Variants in HDAC4 observed in about 807,000 individuals in gnomAD.
HDAC4 encodes the protein histone deacetylase 4, also known as histone deacetylase A.
A neutral mutation model predicts 135.1 loss-of-function variants in HDAC4; 16 were observed. The observed-to-expected ratio is 0.12, with a 90% CI of 0.08 to 0.18. The LOEUF is 0.18. Among genes scored for constraint, HDAC4 ranks in the 10% least tolerant of loss-of-function variants. The pLI is 1.00. For missense variants in HDAC4, 1,143 were observed against 1,511.8 expected (o/e 0.76, Z 4.05); for synonymous variants, 685 against 653.4 (o/e 1.05, Z -0.74).
intron 2 of HDAC4, among the ~76,000 whole-genome samples, chr2:239,264,111 C>T (rs1027217881): frequency 3.3e-5 from 5 of 152,288 alleles, no homozygotes; most frequent in African/African-American, 7.2e-5. Flanking sequence ...CCAGGCCAGG[C>T]GGGGAGCTCG....
intron 1 of HDAC4, among the ~76,000 whole-genome samples, chr2:239,372,767 T>A (rs1694723493): frequency 6.6e-6 from 1 of 152,198 alleles, no homozygotes; most frequent in African/African-American, 2.4e-5. Flanking sequence ...CTTTGCGTGG[T>A]TGCTGTCCAC....
chr2:239,334,085 A>T (rs1691761351), intron 2 of HDAC4, among the ~76,000 whole-genome samples: 1 of 152,234 alleles, frequency 6.6e-6, no homozygotes, highest in Admixed American at 6.5e-5. Flanking sequence ...ATATATAGAT[A>T]ATGAGTATAA....
chr2:239,284,247 G>A (rs1221515654), intron 2 of HDAC4, among the ~76,000 whole-genome samples: 8 of 152,240 alleles, frequency 5.3e-5, no homozygotes, highest in Non-Finnish European at 1.0e-4. Flanking sequence ...CAGCGGAGCC[G>A]AGGACACCGA....
chr2:239,182,012 C>T (rs1030980466), intron 4 of HDAC4, among the ~76,000 whole-genome samples: 1 of 152,128 alleles, frequency 6.6e-6, no homozygotes, highest in Non-Finnish European at 1.5e-5. Context: ...TGTTCCTTGC[C>T]GCCACATGCA....
intron 6 of HDAC4, among the ~76,000 whole-genome samples, chr2:239,158,868 A>G (rs2042595106): frequency 6.6e-6 from 1 of 152,034 alleles, no homozygotes; most frequent in Non-Finnish European, 1.5e-5. Context: ...GCAGAAGTGA[A>G]GCTCTATCCC....
chr2:239,075,722 G>A (rs1223777745), intron 22 of HDAC4, among the ~76,000 whole-genome samples: 11 of 152,206 alleles, frequency 7.2e-5, no homozygotes, highest in Admixed American at 1.3e-4. Flanking sequence ...CTTCGTTACC[G>A]ACACAGCACT....
intron 9 of HDAC4, among the ~76,000 whole-genome samples, chr2:239,136,418 C>T (rs1005254391): frequency 1.1e-4 from 17 of 152,188 alleles, no homozygotes; most frequent in African/African-American, 3.9e-4. Flanking sequence ...TACAGCACCA[C>T]ATTTTCTCTG....
chr2:239,219,648 T>A (rs1362541824), intron 3 of HDAC4, among the ~76,000 whole-genome samples: 1 of 151,564 alleles, frequency 6.6e-6, no homozygotes, highest in Non-Finnish European at 1.5e-5. Flanking sequence ...ATAAAATAAA[T>A]AAAATAAAAA....
At chr2:239,264,180 C>T (rs965455196) in intron 2 of HDAC4, among the ~76,000 whole-genome samples, 10 of 152,324 alleles carry the variant, frequency 6.6e-5, no homozygotes, top group South Asian at 2.1e-4. Context: ...TCCCAGACAC[C>T]GGAGTTCCTG....
chr2:239,149,262 G>T (rs563337482), intron 7 of HDAC4, among the ~76,000 whole-genome samples: 25 of 152,024 alleles, frequency 1.6e-4, no homozygotes, highest in Non-Finnish European at 3.4e-4. Flanking sequence ...TTAGCCAGGT[G>T]TGGTAGTGGC....
chr2:239,347,582 C>G (rs1692804879), intron 2 of HDAC4, among the ~76,000 whole-genome samples: 1 of 152,198 alleles, frequency 6.6e-6, no homozygotes, highest in South Asian at 2.1e-4. Context: ...GTGGCACCAT[C>G]TCGGCTCACT....
intron 2 of HDAC4, among the ~76,000 whole-genome samples, chr2:239,288,861 T>C (rs139939473): frequency 7.1e-4 from 108 of 152,356 alleles, no homozygotes; most frequent in African/African-American, 2.5e-3. Context: ...ATGCCAACCC[T>C]GCCTTCAAAT....
chr2:239,094,452 C>T, intron 17 of HDAC4: 1 of 973,978 alleles, frequency 1.0e-6, no homozygotes, highest in Non-Finnish European at 1.2e-6. Context: ...TATGCCCAGG[C>T]CAGGTCCATA....
At chr2:239,202,001 G>A (rs895610657) in intron 3 of HDAC4, among the ~76,000 whole-genome samples, 24 of 152,340 alleles carry the variant, frequency 1.6e-4, no homozygotes, top group African/African-American at 4.8e-4. Context: ...GGTCCCTGCA[G>A]TTGGCAGGAT....
At chr2:239,395,137 G>A (rs1696474736) in intron 1 of HDAC4, among the ~76,000 whole-genome samples, 1 of 152,212 alleles carries the variant, frequency 6.6e-6, no homozygotes, top group Non-Finnish European at 1.5e-5. Context: ...GGTCAAAGGG[G>A]ACTTAGAGAG....
intron 2 of HDAC4, among the ~76,000 whole-genome samples, chr2:239,278,365 A>G (rs1559318391): frequency 6.6e-6 from 1 of 152,214 alleles, no homozygotes; most frequent in South Asian, 2.1e-4. Flanking sequence ...AAAGAAAAGG[A>G]TAATTTTTAA....
intron 7 of HDAC4, among the ~76,000 whole-genome samples, chr2:239,152,611 A>G (rs2042184303): frequency 6.6e-6 from 1 of 152,228 alleles, no homozygotes; most frequent in Non-Finnish European, 1.5e-5. Context: ...GGTGAAGGCA[A>G]GCCAGGAGCG....
chr2:239,061,896 A>T (rs918685872), intron 24 of HDAC4, among the ~76,000 whole-genome samples: 3 of 152,176 alleles, frequency 2.0e-5, no homozygotes, highest in Non-Finnish European at 4.4e-5. Flanking sequence ...CCCATGACTA[A>T]AGTAGAAAAT....
intron 2 of HDAC4, among the ~76,000 whole-genome samples, chr2:239,250,649 G>A (rs764306249): frequency 3.9e-5 from 6 of 152,194 alleles, no homozygotes; most frequent in African/African-American, 2.4e-5. Flanking sequence ...CACAGGCATC[G>A]GGCCTCCTTT....
Sources: gnomAD v4.1 joint callset for allele counts (sites outside exome capture counted in the v4.1 genomes callset) on GRCh38, gnomAD v4.1.1 for gene constraint, MANE v1.5 for transcripts, NCBI Gene and HGNC (gene_info 2026-07-23, HGNC 2026-07-21) for gene names.